The following A2ML1 variants were observed in gnomAD, a reference collection of about 807,000 sequenced individuals.
The protein encoded by A2ML1 is alpha-2-macroglobulin-like protein 1.
Under a neutral mutation model 181.9 loss-of-function variants are expected in A2ML1, and 161 were observed. The ratio of observed to expected loss-of-function variants is 0.89; its 90% CI spans 0.78 to 1.01. The LOEUF (loss-of-function observed/expected upper bound fraction) is 1.01. Ranked by LOEUF, A2ML1 falls within the 50% of genes least tolerant of loss-of-function variation. The pLI, the probability that A2ML1 is intolerant of heterozygous loss-of-function variation, is 0.00. For missense variants in A2ML1, 1,670 were observed against 1,768.1 expected, an observed-to-expected ratio of 0.94 and a Z score of 1.00; for synonymous variants, 663 against 666.8, an observed-to-expected ratio of 0.99 and a Z score of 0.09.
intron 14 of A2ML1, among the ~76,000 whole-genome samples, chr12:8,846,431 G>A (rs1592129576): frequency 2.0e-5 from 3 of 152,262 alleles, no homozygotes; most frequent in Admixed American, 2.0e-4. Flanking sequence ...TGGCTGAGGT[G>A]CAGTGGCTCA....
intron 7 of A2ML1, among the ~76,000 whole-genome samples, chr12:8,886,298 C>T (rs2092270360): frequency 6.6e-6 from 1 of 152,088 alleles, no homozygotes; most frequent in Admixed American, 6.6e-5. Flanking sequence ...AGTATTAAGT[C>T]CATCCTCAAT....
At chr12:8,838,034 T>C (rs1943345623) in intron 8 of A2ML1, among the ~76,000 whole-genome samples, 1 of 152,192 alleles carries the variant, frequency 6.6e-6, no homozygotes, top group South Asian at 2.1e-4. Context: ...GGGATCTTTA[T>C]CCTAAACAGG....
chr12:8,874,221 G>A (rs1419205564), intron 33 of A2ML1, among the ~76,000 whole-genome samples: 1 of 151,988 alleles, frequency 6.6e-6, no homozygotes, highest in African/African-American at 2.4e-5. Flanking sequence ...TCACCATGTT[G>A]GCCAGGCTGG....
At chr12:8,869,855 A>G (rs980795464) in intron 33 of A2ML1, among the ~76,000 whole-genome samples, 1 of 152,216 alleles carries the variant, frequency 6.6e-6, no homozygotes, top group Non-Finnish European at 1.5e-5. Flanking sequence ...GAGTTATAGA[A>G]AAAACTAAAT....
intron 5 of A2ML1, chr12:8,835,030 C>T (rs140303627): frequency 7.2e-5 from 24 of 331,142 alleles, no homozygotes; most frequent in East Asian, 6.3e-4. Context: ...TCAACAGGTA[C>T]GTGATAACAT....
In A2ML1 at chr12:8,848,735, C is replaced by T; in HGVS notation, c.1849C>T (p.Pro617Ser). The T allele has an allele frequency of 6.2e-7, 1 of 1,605,802 alleles. No homozygotes were observed. Among genetic ancestry groups the T allele is most frequent in the Non-Finnish European group, 8.5e-7 (1 of 1,176,308 alleles). The change falls in exon 16 of 36, where the codon CCA becomes TCA. Residue 617 changes from proline (P) to serine (S), a missense_variant. Physicochemically the swap from Pro to Ser is moderately conservative, Grantham distance 74 (BLOSUM62 -1). Coordinates refer to ENST00000299698, the MANE Select transcript of A2ML1 (RefSeq NM_144670.6). The stretch of plus-strand genomic sequence containing the variant: ...CTTGTCCCAGGTCTATGGGATGTTT[C>T]CATTCTGGTATGGTCACTACCCCTA... Reference protein sequence around the residue: ...LSNRSVYGMFPFWYGHYPYQV... With the variant: ...LSNRSVYGMFSFWYGHYPYQV...
In A2ML1 at chr12:8,855,611, T is replaced by C. The variant is rs1944038132; in HGVS notation, c.2848+19T>C. 4 of 1,613,652 alleles carry C rather than the reference T, an allele frequency of 2.5e-6. No homozygotes were observed. The highest frequency in any genetic ancestry group is 2.2e-5 in the East Asian group (1 of 44,884). On this transcript the variant is annotated intron_variant, in intron 23 of 35. Transcript: ENST00000299698. The stretch of plus-strand genomic sequence containing the variant: ...GTTCTGGGTAAGCAGTTAGAGATTC[T>C]TGACTCAGAAAGGAAAAGGCGAATG...
At chr12:8,886,316 A>T (rs1394983058) in intron 7 of A2ML1, among the ~76,000 whole-genome samples, 1 of 152,196 alleles carries the variant, frequency 6.6e-6, no homozygotes, top group Non-Finnish European at 1.5e-5. Context: ...AATTTCTCTC[A>T]GCAGTGTTTT....
intron 1 of A2ML1, 67 bp from the exon 2 acceptor site, chr12:8,823,115 G>A (rs1216278675): frequency 6.0e-6 from 9 of 1,497,580 alleles, no homozygotes; most frequent in African/African-American, 5.5e-5. Context: ...TGAGCGCTTA[G>A]GAGAGTGCTG....
intron 33 of A2ML1, among the ~76,000 whole-genome samples, chr12:8,871,489 T>C (rs1944620132): frequency 6.6e-6 from 1 of 152,160 alleles, no homozygotes; most frequent in Non-Finnish European, 1.5e-5. Flanking sequence ...TTTAGTATTT[T>C]TTTGGTAGAG....
Position 8,847,579 on chromosome 12 carries a change from C to T in A2ML1, c.1714C>T (p.Leu572Phe), listed in dbSNP as rs769551742. ...VSLGFSPSQQ[L>F]PGAEVELQLQ... Reference sequence around the variant, plus strand: ...CCTTGGCTTCTCCCCCTCCCAGCAGCTTCCAGGAGCAGAAGTGGAGCTGCA... The same window carrying T: ...CCTTGGCTTCTCCCCCTCCCAGCAGTTTCCAGGAGCAGAAGTGGAGCTGCA... Residue 572 changes from leucine (L) to phenylalanine (F), a missense_variant, in exon 15 of 36, where the codon CTT becomes TTT. Physicochemically the swap from Leu to Phe is conservative, Grantham distance 22 (BLOSUM62 0). Transcript: ENST00000299698. 6.2e-7 allele frequency: 1 copy of T among 1,613,038 alleles called. No individual in the cohort carries two copies. Among genetic ancestry groups the T allele is most frequent in the Non-Finnish European group, 8.5e-7 (1 of 1,179,550 alleles).
intron 11 of A2ML1, among the ~76,000 whole-genome samples, chr12:8,841,860 C>T (rs1395065549): frequency 1.3e-5 from 2 of 152,044 alleles, no homozygotes; most frequent in African/African-American, 4.8e-5. Flanking sequence ...TCTCTTTCCC[C>T]TTCCCATCCC....
chr12:8,843,138 A>G lies in A2ML1; in HGVS notation c.1253A>G (p.Lys418Arg), dbSNP rs1943546937. ...WNGTDVSLEG[K>R]FQMEDLVYNP... ...CTCTCTCTCTTTTATTCTCAGGGAA[A>G]GTTTCAAATGGAAGACTTAGTATAT... Residue 418 changes from lysine (K) to arginine (R), a missense_variant, in exon 12 of 36, where the codon AAG (lysine) becomes AGG (arginine). Lys to Arg is a conservative substitution (Grantham distance 26). Coordinates refer to ENST00000299698, the MANE Select transcript of A2ML1 (RefSeq NM_144670.6). 1.9e-6 allele frequency: 3 copies of G among 1,613,914 alleles called. No individual in the cohort carries two copies. Among genetic ancestry groups the G allele is most frequent in the Non-Finnish European group, 2.5e-6 (3 of 1,179,846 alleles).
intron 31 of A2ML1, 79 bp from the exon 32 acceptor site, chr12:8,868,458 G>GTGTA: frequency 2.4e-6 from 3 of 1,253,258 alleles, no homozygotes; most frequent in Non-Finnish European, 3.1e-6. Flanking sequence ...GTGTGTGTAC[G>GTGTA]TGTGTGTGTG....
chr12:8,879,898 G>A (rs1944853554), downstream of A2ML1, among the ~76,000 whole-genome samples: 1 of 152,214 alleles, frequency 6.6e-6, no homozygotes, highest in Admixed American at 6.5e-5. Flanking sequence ...AGTAAATACT[G>A]ATACATACAT....
intron 33 of A2ML1, among the ~76,000 whole-genome samples, chr12:8,870,981 A>G (rs1041398118): frequency 1.3e-5 from 2 of 152,074 alleles, no homozygotes; most frequent in African/African-American, 4.8e-5. Context: ...TTCTTGATCA[A>G]TTTCACCAGA....
Position 8,842,505 on chromosome 12 carries a change from C to T in A2ML1, c.1249-629C>T, listed in dbSNP as rs139116720. On this transcript the variant is annotated intron_variant, in intron 11 of 35. Coordinates refer to ENST00000299698, the MANE Select transcript of A2ML1 (RefSeq NM_144670.6). ...AAGTGCTGGGATTACAGGCGTGAGCCACCGCGCCCGGCCCCTGTTGCATAT... is the reference window on the plus strand; with the variant it reads ...AAGTGCTGGGATTACAGGCGTGAGCTACCGCGCCCGGCCCCTGTTGCATAT... 7.0e-3 allele frequency among the ~76,000 whole-genome samples: 1,061 copies of T among 152,306 alleles called. 13 individuals carry two copies. Among genetic ancestry groups the T allele is most frequent in the African/African-American group, 0.024 (988 of 41,556 alleles).
At chr12:8,867,493 C>G (rs1944459215) in intron 29 of A2ML1, among the ~76,000 whole-genome samples, 1 of 152,022 alleles carries the variant, frequency 6.6e-6, no homozygotes, top group Non-Finnish European at 1.5e-5. Context: ...ACTAAAAATA[C>G]AAAATTAGCC....
intron 18 of A2ML1, among the ~76,000 whole-genome samples, 175 bp from the exon 19 acceptor site, chr12:8,851,608 GT>G (rs1193073911): frequency 6.6e-6 from 1 of 152,124 alleles, no homozygotes; most frequent in Non-Finnish European, 1.5e-5. Context: ...GTCTTGCTAT[GT>G]TTCCCAGGCT....
Sources: gnomAD v4.1 joint callset for allele counts (sites outside exome capture counted in the v4.1 genomes callset) on GRCh38, gnomAD v4.1.1 for gene constraint, MANE v1.5 for transcripts, NCBI Gene and HGNC (gene_info 2026-07-23, HGNC 2026-07-21) for gene names.